TNRC6B: variants seen among roughly 807,000 people sequenced by gnomAD.
TNRC6B encodes the protein trinucleotide repeat containing adaptor 6B.
TNRC6B carries 52 observed loss-of-function variants against 203.6 expected under a neutral mutation model. The ratio of observed to expected loss-of-function variants is 0.26; its 90% CI spans 0.20 to 0.32. TNRC6B has a LOEUF of 0.32. Ranked by LOEUF, TNRC6B falls within the 10% of genes least tolerant of loss-of-function variation. The probability of loss-of-function intolerance (pLI) is 1.00; values close to 1 mark genes in which losing one functional copy is unlikely to be tolerated. For synonymous variants in TNRC6B, 838 were observed against 845.7 expected, an observed-to-expected ratio of 0.99 and a Z score of 0.16; for missense variants, 1,923 against 2,286.2, an observed-to-expected ratio of 0.84 and a Z score of 3.24.
intron 21 of TNRC6B, among the ~76,000 whole-genome samples, chr22:40,319,820 G>A (rs1299255916): frequency 6.6e-6 from 1 of 152,126 alleles, no homozygotes; most frequent in Non-Finnish European, 1.5e-5. Flanking sequence ...TTAGAGTTCG[G>A]TACTATTGGT....
chr22:40,202,254 T>TTTTTTG (rs1237145875), intron 1 of TNRC6B, among the ~76,000 whole-genome samples: 3 of 147,296 alleles, frequency 2.0e-5, no homozygotes, highest in South Asian at 2.2e-4. Context: ...TTGTTGTTGT[T>TTTTTTG]TTTTTGTTTT....
intron 3 of TNRC6B, among the ~76,000 whole-genome samples, chr22:40,149,357 G>T (rs1449894388): frequency 6.6e-6 from 1 of 152,094 alleles, no homozygotes; most frequent in Non-Finnish European, 1.5e-5. Flanking sequence ...GCCTAGGCAG[G>T]GTCACAGGAG....
intron 1 of TNRC6B, among the ~76,000 whole-genome samples, chr22:40,052,808 C>T (rs1332780845): frequency 1.3e-5 from 2 of 152,124 alleles, no homozygotes; most frequent in African/African-American, 4.8e-5. Context: ...TTATCTTACC[C>T]GCTTTGTATC....
At chr22:40,218,900 G>C (rs531777811) in intron 1 of TNRC6B, among the ~76,000 whole-genome samples, 1 of 152,346 alleles carries the variant, frequency 6.6e-6, no homozygotes, top group South Asian at 2.1e-4. Context: ...GCTTGATCCT[G>C]ATGGGAAGGA....
upstream of TNRC6B, among the ~76,000 whole-genome samples, chr22:40,176,388 A>T (rs966329070): frequency 6.6e-6 from 1 of 151,946 alleles, no homozygotes; most frequent in South Asian, 2.1e-4. Context: ...CGGCCTCCCA[A>T]AGTGCTGGGA....
intron 11 of TNRC6B, among the ~76,000 whole-genome samples, chr22:40,282,657 ATTC>A (rs920705437): frequency 1.2e-4 from 18 of 152,154 alleles, no homozygotes; most frequent in African/African-American, 3.9e-4. Context: ...AAAAAAGGTC[ATTC>A]TTCTTATTTT....
chr22:40,261,154 G>T (rs1601929238), intron 3 of TNRC6B, among the ~76,000 whole-genome samples: 1 of 152,020 alleles, frequency 6.6e-6, no homozygotes, highest in Non-Finnish European at 1.5e-5. Flanking sequence ...GCATAGTGGT[G>T]TATGCATTGT....
chr22:40,102,094 T>C (rs758209354), intron 1 of TNRC6B, among the ~76,000 whole-genome samples: 11 of 152,262 alleles, frequency 7.2e-5, no homozygotes, highest in Non-Finnish European at 1.2e-4. Flanking sequence ...TGTTAATTTC[T>C]AAGGGTTAGT....
intron 1 of TNRC6B, among the ~76,000 whole-genome samples, chr22:40,070,310 T>G (rs2067936291): frequency 9.9e-5 from 15 of 152,190 alleles, no homozygotes; most frequent in Admixed American, 9.8e-4. Context: ...TGTGACTTTT[T>G]ATTTGATTTG....
intron 1 of TNRC6B, among the ~76,000 whole-genome samples, chr22:40,092,140 C>G (rs781257183): frequency 6.6e-6 from 1 of 152,144 alleles, no homozygotes; most frequent in Non-Finnish European, 1.5e-5. Context: ...TGTTGGCTCA[C>G]GCCTGTAATC....
intron 1 of TNRC6B, among the ~76,000 whole-genome samples, chr22:40,242,805 G>T (rs1458910435): frequency 1.3e-5 from 2 of 151,956 alleles, no homozygotes; most frequent in Non-Finnish European, 2.9e-5. Flanking sequence ...CCCCATGGAC[G>T]CCTTCTCCAC....
chr22:40,161,975 A>G (rs1274169045), intron 4 of TNRC6B, among the ~76,000 whole-genome samples: 1 of 152,216 alleles, frequency 6.6e-6, no homozygotes, highest in Non-Finnish European at 1.5e-5. Flanking sequence ...GTGTTTGACC[A>G]TGCTTTTTGA....
At chr22:40,294,001 G>A (rs949314641) in intron 12 of TNRC6B, among the ~76,000 whole-genome samples, 7 of 150,350 alleles carry the variant, frequency 4.7e-5, no homozygotes, top group African/African-American at 1.7e-4. Context: ...CAGCACTTTG[G>A]GAGGCTGAGA....
At chr22:40,277,881 T>C in intron 8 of TNRC6B, 118 bp from the exon 9 acceptor site, 1 of 751,340 alleles carries the variant, frequency 1.3e-6, no homozygotes, top group Non-Finnish European at 2.3e-6. Flanking sequence ...ATCAAGTTCA[T>C]TTCAGAGAAC....
chr22:40,299,161 A>AC (rs796262060), intron 12 of TNRC6B, among the ~76,000 whole-genome samples: 5 of 151,250 alleles, frequency 3.3e-5, no homozygotes, highest in Non-Finnish European at 5.9e-5. Context: ...AAAAAAACAA[A>AC]AAAAAAAAAA....
intron 1 of TNRC6B, among the ~76,000 whole-genome samples, chr22:40,205,719 G>A (rs2069469401): frequency 6.6e-6 from 1 of 152,210 alleles, no homozygotes; most frequent in African/African-American, 2.4e-5. Flanking sequence ...GTAATTGAAA[G>A]TGTTGAGTGT....
intron 4 of TNRC6B, among the ~76,000 whole-genome samples, chr22:40,167,527 A>G (rs1382077987): frequency 6.6e-6 from 1 of 152,050 alleles, no homozygotes; most frequent in African/African-American, 2.4e-5. Context: ...GAATATACAT[A>G]ATGCTACTGA....
At chr22:40,207,895 G>A (rs1216514045) in intron 1 of TNRC6B, among the ~76,000 whole-genome samples, 15 of 151,930 alleles carry the variant, frequency 9.9e-5, no homozygotes, top group African/African-American at 1.9e-4. Flanking sequence ...GGCAGATCAC[G>A]AGGTCAGGAG....
At chr22:40,192,753 C>A (rs1033614948) in intron 1 of TNRC6B, among the ~76,000 whole-genome samples, 3 of 152,008 alleles carry the variant, frequency 2.0e-5, no homozygotes, top group Non-Finnish European at 4.4e-5. Context: ...TTGGGGTAGG[C>A]GGTCAGTGGG....
Sources: allele counts gnomAD v4.1 joint callset (sites outside exome capture counted in the v4.1 genomes callset), GRCh38; gene constraint gnomAD v4.1.1; transcripts MANE v1.5; gene names NCBI Gene and HGNC (gene_info 2026-07-23, HGNC 2026-07-21).